Variants in FHIT observed in about 807,000 individuals in gnomAD.
The protein encoded by FHIT is fragile histidine triad diadenosine triphosphatase, also known as bis(5'-adenosyl)-triphosphatase.
In FHIT, 19 loss-of-function variants were observed where a neutral mutation model predicts 17.9. The ratio of observed to expected loss-of-function variants is 1.06; its 90% CI spans 0.74 to 1.56. FHIT has a LOEUF of 1.56. Among genes scored for constraint, FHIT ranks in the 40% most tolerant of loss-of-function variants. The pLI, the probability that FHIT is intolerant of heterozygous loss-of-function variation, is 0.00. For missense variants in FHIT, 248 were observed against 189.2 expected (o/e 1.31, Z -1.82); for synonymous variants, 81 against 69.7 (o/e 1.16, Z -0.81).
intron 8 of FHIT, among the ~76,000 whole-genome samples, chr3:59,868,083 G>C (rs1171466846): frequency 8.9e-6 from 1 of 111,952 alleles, no homozygotes; most frequent in Admixed American, 9.6e-5. Context: ...ATTGTGTTTT[G>C]CCAGAATAAA....
chr3:60,048,411 C>T (rs568342630), intron 5 of FHIT, among the ~76,000 whole-genome samples: 3 of 152,268 alleles, frequency 2.0e-5, no homozygotes, highest in African/African-American at 4.8e-5. Flanking sequence ...CTCCTGACCT[C>T]GTGATCCACC....
At chr3:60,535,828 T>C (rs2035962310) in intron 5 of FHIT, 1 of 150,038 alleles carries the variant, frequency 6.7e-6, no homozygotes, top group East Asian at 2.0e-4. Flanking sequence ...TTTTTTAGCA[T>C]ACAATAGTTA....
intron 5 of FHIT, among the ~76,000 whole-genome samples, chr3:60,107,305 C>A (rs1046657793): frequency 6.6e-6 from 1 of 151,634 alleles, no homozygotes; most frequent in African/African-American, 2.4e-5. Flanking sequence ...TTCTGATGAG[C>A]AATCTAGGGG....
intron 5 of FHIT, among the ~76,000 whole-genome samples, chr3:60,368,956 A>G (rs1482461071): frequency 1.3e-5 from 2 of 151,500 alleles, no homozygotes; most frequent in Non-Finnish European, 1.5e-5. Flanking sequence ...GTATATTTCA[A>G]TCATGGCACT....
intron 5 of FHIT, among the ~76,000 whole-genome samples, chr3:60,043,454 T>C (rs1701525069): frequency 6.6e-6 from 1 of 152,196 alleles, no homozygotes; most frequent in Admixed American, 6.5e-5. Flanking sequence ...GTGAGACTGA[T>C]ATTACTAGCT....
chr3:60,855,999 C>T (rs1553749854), intron 3 of FHIT, among the ~76,000 whole-genome samples: 1 of 152,106 alleles, frequency 6.6e-6, no homozygotes, highest in Admixed American at 6.6e-5. Context: ...TGCATCACCT[C>T]TGTTTGAATG....
At chr3:60,062,308 G>A (rs1422120964) in intron 5 of FHIT, among the ~76,000 whole-genome samples, 1 of 152,110 alleles carries the variant, frequency 6.6e-6, no homozygotes, top group African/African-American at 2.4e-5. Flanking sequence ...CTATGCTGTG[G>A]AGTGAAGAAA....
At chr3:60,399,579 C>G (rs1482909470) in intron 5 of FHIT, among the ~76,000 whole-genome samples, 1 of 152,104 alleles carries the variant, frequency 6.6e-6, no homozygotes, top group Non-Finnish European at 1.5e-5. Context: ...CAATCACATA[C>G]ACAATGAAGC....
chr3:60,339,655 A>G (rs1710419066), intron 5 of FHIT, among the ~76,000 whole-genome samples: 1 of 152,214 alleles, frequency 6.6e-6, no homozygotes, highest in South Asian at 2.1e-4. Context: ...TTTGTAGCCA[A>G]CATGACAAAA....
At chr3:60,881,131 C>T (rs11714293) in intron 3 of FHIT, among the ~76,000 whole-genome samples, 2 of 151,846 alleles carry the variant, frequency 1.3e-5, no homozygotes, top group Non-Finnish European at 2.9e-5. Context: ...AAATAAAAAG[C>T]GAGCAGGAGT....
At chr3:60,436,472 G>C (rs1559911359) in intron 5 of FHIT, among the ~76,000 whole-genome samples, 1 of 152,124 alleles carries the variant, frequency 6.6e-6, no homozygotes, top group Non-Finnish European at 1.5e-5. Context: ...CCTAGGTGCT[G>C]AGGACACAGC....
At chr3:59,880,891 A>G (rs924663312) in intron 8 of FHIT, among the ~76,000 whole-genome samples, 4 of 152,156 alleles carry the variant, frequency 2.6e-5, no homozygotes, top group Admixed American at 2.6e-4. Flanking sequence ...CTCAGACTAC[A>G]TGGAATGAAT....
At chr3:60,880,669 T>C (rs1575637008) in intron 3 of FHIT, among the ~76,000 whole-genome samples, 1 of 151,404 alleles carries the variant, frequency 6.6e-6, no homozygotes, top group Non-Finnish European at 1.5e-5. Context: ...GAGGTGGAGG[T>C]TGCAGTGAGC....
At chr3:60,954,287 G>A (rs557156513) in intron 3 of FHIT, among the ~76,000 whole-genome samples, 5 of 152,282 alleles carry the variant, frequency 3.3e-5, no homozygotes, top group African/African-American at 9.6e-5. Context: ...TATATCAGTG[G>A]TATTTACACT....
chr3:60,275,829 A>G (rs1185587561), intron 5 of FHIT, among the ~76,000 whole-genome samples: 2 of 152,156 alleles, frequency 1.3e-5, no homozygotes, highest in African/African-American at 2.4e-5. Flanking sequence ...TATCCTACAC[A>G]ATAATGCCTT....
At chr3:60,264,335 G>A (rs887664661) in intron 5 of FHIT, among the ~76,000 whole-genome samples, 2 of 151,934 alleles carry the variant, frequency 1.3e-5, no homozygotes, top group Admixed American at 1.3e-4. Context: ...ATTTAGCCAT[G>A]CACTCACTGA....
intron 2 of FHIT, among the ~76,000 whole-genome samples, chr3:61,124,547 GT>G (rs1182019969): frequency 8.5e-5 from 13 of 152,144 alleles, no homozygotes; most frequent in Admixed American, 2.0e-4. Context: ...TGATTAGGGA[GT>G]TGGGAAGAGA....
At chr3:60,001,856 G>A (rs1037141267) in intron 7 of FHIT, among the ~76,000 whole-genome samples, 3 of 152,058 alleles carry the variant, frequency 2.0e-5, no homozygotes, top group Non-Finnish European at 4.4e-5. Flanking sequence ...TTACGTCTGG[G>A]AATTTATACC....
intron 3 of FHIT, among the ~76,000 whole-genome samples, chr3:60,836,036 C>A (rs1702530957): frequency 6.6e-6 from 1 of 152,126 alleles, no homozygotes; most frequent in Admixed American, 6.5e-5. Flanking sequence ...CATCTGTATG[C>A]CTTTCATTTC....
Sources: gnomAD v4.1 joint callset for allele counts (sites outside exome capture counted in the v4.1 genomes callset) on GRCh38, gnomAD v4.1.1 for gene constraint, MANE v1.5 for transcripts, NCBI Gene and HGNC (gene_info 2026-07-23, HGNC 2026-07-21) for gene names.